Variants in UNC5C observed in about 807,000 individuals in gnomAD.
The protein encoded by UNC5C is netrin receptor UNC5C.
A neutral mutation model predicts 99.8 loss-of-function variants in UNC5C; 47 were observed. The ratio of observed to expected loss-of-function variants is 0.47; its 90% CI spans 0.37 to 0.60. UNC5C has a LOEUF of 0.60. Among genes scored for constraint, UNC5C ranks in the 20% least tolerant of loss-of-function variants. The pLI is 0.00. For synonymous variants in UNC5C, 487 were observed against 452.2 expected, an observed-to-expected ratio of 1.08 and a Z score of -0.98; for missense variants, 1,062 against 1,165.9, an observed-to-expected ratio of 0.91 and a Z score of 1.30.
intron 1 of UNC5C, among the ~76,000 whole-genome samples, chr4:95,404,051 T>C (rs548485462): frequency 6.6e-6 from 1 of 152,330 alleles, no homozygotes; most frequent in African/African-American, 2.4e-5. Flanking sequence ...TTTCTTCTCT[T>C]CCATTTTTTT....
chr4:95,482,961 T>A (rs2149478615), intron 1 of UNC5C, among the ~76,000 whole-genome samples: 1 of 142,936 alleles, frequency 7.0e-6, no homozygotes, highest in Non-Finnish European at 1.5e-5. Flanking sequence ...TATACATATG[T>A]AACTAACCTG....
intron 1 of UNC5C, among the ~76,000 whole-genome samples, chr4:95,502,372 G>T (rs770507564): frequency 6.6e-6 from 1 of 151,984 alleles, no homozygotes; most frequent in African/African-American, 2.4e-5. Context: ...GGGTTCAATC[G>T]ATCCTCCCCT....
At chr4:95,448,300 A>G (rs139808661) in intron 1 of UNC5C, among the ~76,000 whole-genome samples, 4 of 150,856 alleles carry the variant, frequency 2.7e-5, no homozygotes, top group Non-Finnish European at 5.9e-5. Flanking sequence ...TGTGGGAAGA[A>G]CAATGAAGCA....
chr4:95,283,321 C>G (rs1741126064), intron 3 of UNC5C, among the ~76,000 whole-genome samples: 1 of 152,152 alleles, frequency 6.6e-6, no homozygotes, highest in Non-Finnish European at 1.5e-5. Context: ...AAGGGTTTGG[C>G]TTTAAGCTCT....
chr4:95,341,183 A>G (rs1743558944), intron 1 of UNC5C, among the ~76,000 whole-genome samples: 1 of 151,220 alleles, frequency 6.6e-6, no homozygotes, highest in African/African-American at 2.4e-5. Context: ...GTAAATACAT[A>G]TGTACGAAGA....
At chr4:95,363,890 C>G (rs186877519) in intron 1 of UNC5C, among the ~76,000 whole-genome samples, 1 of 152,130 alleles carries the variant, frequency 6.6e-6, no homozygotes, top group African/African-American at 2.4e-5. Context: ...GCCTACCATA[C>G]GTAGATGCTG....
intron 1 of UNC5C, among the ~76,000 whole-genome samples, chr4:95,483,079 C>T (rs1721217245): frequency 6.7e-6 from 1 of 149,930 alleles, no homozygotes; most frequent in Admixed American, 6.7e-5. Context: ...AAAGTACCAG[C>T]CCATGACTAC....
In UNC5C at chr4:95,455,188, A is replaced by G. The variant is rs1747393797; in HGVS notation, c.124+93546T>C. Among the ~76,000 whole-genome samples the G allele has an allele frequency of 2.6e-5, 4 of 152,220 alleles. No individual in the cohort carries two copies. The South Asian group carries it at 8.3e-4, about 32-fold the overall frequency. On this transcript the variant is annotated intron_variant, in intron 1 of 15. Coordinates refer to ENST00000453304, the MANE Select transcript of UNC5C (RefSeq NM_003728.4). ...ATTGAAAGAGTCATCACAGAGGTCA[A>G]TATTCAAAGTATCTTTCAAACATTG... is the stretch of plus-strand genomic sequence containing the variant.
chr4:95,461,230 T>A (rs1459652490), intron 1 of UNC5C, among the ~76,000 whole-genome samples: 1 of 152,338 alleles, frequency 6.6e-6, no homozygotes, highest in African/African-American at 2.4e-5. Context: ...AGGCATGCAA[T>A]GTATAATAAT....
At chr4:95,342,399 G>C (rs1295068537) in intron 1 of UNC5C, among the ~76,000 whole-genome samples, 1 of 152,108 alleles carries the variant, frequency 6.6e-6, no homozygotes, top group Admixed American at 6.6e-5. Context: ...CATTTCTAGA[G>C]CCGCTTTGGG....
intron 1 of UNC5C, among the ~76,000 whole-genome samples, chr4:95,339,591 A>G (rs1279186650): frequency 1.3e-5 from 2 of 152,058 alleles, no homozygotes; most frequent in East Asian, 3.9e-4. Flanking sequence ...ATTTTTTAAT[A>G]TAAATATCTG....
intron 14 of UNC5C, among the ~76,000 whole-genome samples, chr4:95,173,989 A>G (rs1313194999): frequency 1.3e-5 from 2 of 151,944 alleles, no homozygotes; most frequent in Admixed American, 6.6e-5. Flanking sequence ...TGTGTTGAGG[A>G]ATTTATCCAT....
rs778329637 is a variant in UNC5C, at chr4:95,169,281, C to T, written c.2749G>A (p.Gly917Arg). 1.9e-6 allele frequency: 3 copies of T among 1,614,044 alleles called. No individual in the cohort carries two copies. Among genetic ancestry groups the T allele is most frequent in the South Asian group, 1.1e-5 (1 of 91,090 alleles). ...AAGGACACCACCGTTTCATGTCTTC[C>T]CATTTCTTCCAAGACAGCTGCCAGC... ...SMLAAVLEEM[G>R]RHETVVSLAA... is the part of the protein sequence containing the mutation. Residue 917 changes from glycine (G) to arginine (R), a missense_variant, in exon 16 of 16, where the codon GGA becomes AGA. Gly to Arg is a moderately radical substitution (Grantham distance 125, BLOSUM62 -2). This residue lies in a region of UNC5C where 810 missense variants were observed against 854.5 expected (regional missense o/e 0.95). Coordinates refer to ENST00000453304, the MANE Select transcript of UNC5C (RefSeq NM_003728.4).
chr4:95,392,549 C>T (rs950534759), intron 1 of UNC5C, among the ~76,000 whole-genome samples: 1 of 151,972 alleles, frequency 6.6e-6, no homozygotes, highest in East Asian at 1.9e-4. Context: ...ACTCCTGCCT[C>T]AGCCTCTCAA....
intron 3 of UNC5C, among the ~76,000 whole-genome samples, chr4:95,284,687 G>A (rs1473102933): frequency 6.6e-6 from 1 of 152,114 alleles, no homozygotes; most frequent in Non-Finnish European, 1.5e-5. Context: ...AAAAGCAGAT[G>A]AAAATTCAGG....
At chr4:95,339,944 T>C (rs1352124539) in intron 1 of UNC5C, among the ~76,000 whole-genome samples, 1 of 152,114 alleles carries the variant, frequency 6.6e-6, no homozygotes, top group Admixed American at 6.6e-5. Context: ...TTGACTTAAT[T>C]TTCCACTTTC....
At chr4:95,516,796 G>C (rs1171670041) in intron 1 of UNC5C, among the ~76,000 whole-genome samples, 3 of 152,074 alleles carry the variant, frequency 2.0e-5, no homozygotes, top group Non-Finnish European at 2.9e-5. Context: ...AGCAACAGAA[G>C]GCCTCATTTC....
At chr4:95,515,174 C>A (rs956221283) in intron 1 of UNC5C, among the ~76,000 whole-genome samples, 2 of 152,114 alleles carry the variant, frequency 1.3e-5, no homozygotes, top group African/African-American at 4.8e-5. Context: ...TCAAGAATAT[C>A]TCACTTCTTA....
intron 14 of UNC5C, among the ~76,000 whole-genome samples, chr4:95,179,050 AATC>A (rs1346232104): frequency 1.3e-5 from 2 of 152,250 alleles, no homozygotes; most frequent in Non-Finnish European, 2.9e-5. Flanking sequence ...TTATTTCAAT[AATC>A]ATTTATAATA....
Sources: gnomAD v4.1 joint callset for allele counts (sites outside exome capture counted in the v4.1 genomes callset) on GRCh38, gnomAD v4.1.1 for gene constraint, gnomAD v4.1.1 regional missense constraint, MANE v1.5 for transcripts, NCBI Gene and HGNC (gene_info 2026-07-23, HGNC 2026-07-21) for gene names.